The following OR9Q1 variants were observed in gnomAD, a reference collection of about 807,000 sequenced individuals.
OR9Q1 encodes olfactory receptor family 9 subfamily Q member 1, also known as olfactory receptor 9Q1.
For missense variants in OR9Q1, 374 were observed against 378.8 expected, an observed-to-expected ratio of 0.99 and a Z score of 0.11; for synonymous variants, 153 against 148.6, an observed-to-expected ratio of 1.03 and a Z score of -0.22.
chr11:58,030,784 A>C, intron 1 of OR9Q1: 1 of 599,924 alleles, frequency 1.7e-6, no homozygotes, highest in Non-Finnish European at 3.0e-6. Context: ...TTGTTTTCTC[A>C]TGTCCCTCAT....
chr11:58,036,063 C>T (rs970744703), intron 1 of OR9Q1, among the ~76,000 whole-genome samples: 10 of 151,284 alleles, frequency 6.6e-5, no homozygotes, highest in East Asian at 3.9e-4. Flanking sequence ...TAGTAATTCT[C>T]GCAACATTTT....
chr11:58,065,160 A>G (rs1388763758), intron 2 of OR9Q1, among the ~76,000 whole-genome samples: 4 of 152,174 alleles, frequency 2.6e-5, no homozygotes, highest in Admixed American at 2.0e-4. Flanking sequence ...AGACACATGG[A>G]CTGGGATAGG....
At chr11:58,031,692 C>T (rs1424491754) in intron 1 of OR9Q1, 5 of 1,613,868 alleles carry the variant, frequency 3.1e-6, no homozygotes, top group Non-Finnish European at 4.2e-6. Flanking sequence ...ACCTGTGCAG[C>T]TCACCTGACT....
chr11:58,137,021 A>G (rs1854195749), intron 2 of OR9Q1, among the ~76,000 whole-genome samples: 1 of 152,124 alleles, frequency 6.6e-6, no homozygotes, highest in Non-Finnish European at 1.5e-5. Flanking sequence ...TCTTTCCAGA[A>G]CCCATTTGGC....
intron 2 of OR9Q1, among the ~76,000 whole-genome samples, chr11:58,090,246 C>A (rs550219667): frequency 6.6e-6 from 1 of 152,124 alleles, no homozygotes; most frequent in Non-Finnish European, 1.5e-5. Context: ...GGAATGCTTC[C>A]GGCTTTTGCC....
intron 2 of OR9Q1, among the ~76,000 whole-genome samples, chr11:58,177,976 T>C (rs1354127483): frequency 6.6e-6 from 1 of 152,164 alleles, no homozygotes; most frequent in East Asian, 1.9e-4. Flanking sequence ...AGAGGTGTTC[T>C]AGGCAGAAGG....
At chr11:58,123,792 G>A (rs532138967) in intron 2 of OR9Q1, among the ~76,000 whole-genome samples, 14 of 152,136 alleles carry the variant, frequency 9.2e-5, no homozygotes, top group Admixed American at 2.6e-4. Flanking sequence ...AAATCAAAGC[G>A]CCTCTCTAAA....
intron 2 of OR9Q1, among the ~76,000 whole-genome samples, chr11:58,122,687 A>G (rs572128030): frequency 6.6e-5 from 10 of 152,240 alleles, no homozygotes; most frequent in Non-Finnish European, 1.2e-4. Flanking sequence ...GGTCAGGGCA[A>G]GGCTCTTCTT....
At chr11:58,071,905 T>C (rs916889941) in intron 2 of OR9Q1, among the ~76,000 whole-genome samples, 5 of 152,110 alleles carry the variant, frequency 3.3e-5, no homozygotes, top group Non-Finnish European at 7.3e-5. Context: ...AATATTAATT[T>C]TTTGAGGGTG....
chr11:58,137,859 T>A (rs1854203595), intron 2 of OR9Q1, among the ~76,000 whole-genome samples: 1 of 152,242 alleles, frequency 6.6e-6, no homozygotes, highest in Non-Finnish European at 1.5e-5. Flanking sequence ...GTATTTATCA[T>A]ACAGTGAATA....
intron 1 of OR9Q1, among the ~76,000 whole-genome samples, chr11:58,039,096 T>A (rs966489882): frequency 2.0e-5 from 3 of 152,148 alleles, no homozygotes; most frequent in Non-Finnish European, 4.4e-5. Flanking sequence ...TTCAAGTGAT[T>A]CTCCTGCCTC....
At chr11:58,069,823 T>C (rs1387838925) in intron 2 of OR9Q1, among the ~76,000 whole-genome samples, 6 of 151,666 alleles carry the variant, frequency 4.0e-5, no homozygotes, top group Non-Finnish European at 8.8e-5. Flanking sequence ...TGAGTCAAGA[T>C]GGCTCCACTG....
chr11:58,065,473 C>T (rs1385316595), intron 2 of OR9Q1, among the ~76,000 whole-genome samples: 1 of 152,204 alleles, frequency 6.6e-6, no homozygotes, highest in Non-Finnish European at 1.5e-5. Context: ...TAGCTAAATA[C>T]TTCCTGGGCA....
At position 58,180,181 on chromosome 11, in the gene OR9Q1, C is replaced by A. The variant is rs1360553631; in HGVS notation, c.737C>A (p.Ala246Asp). The A allele has an allele frequency of 1.2e-6, 2 of 1,613,934 alleles. No homozygotes were observed. The highest frequency in any genetic ancestry group is 1.7e-6 in the Non-Finnish European group (2 of 1,179,902). ...TCCACCTGCACCTCCCACCTCACTGCTGTGTCACTCTTCTTTGGTACCCTC... is the reference window on the plus strand; with the variant it reads ...TCCACCTGCACCTCCCACCTCACTGATGTGTCACTCTTCTTTGGTACCCTC... ...TFSTCTSHLT[A>D]VSLFFGTLIF... The change falls in exon 3 of 3, where the codon GCT becomes GAT. Residue 246 changes from alanine (A) to aspartate (D), a missense_variant. Transcript: ENST00000335397.
At chr11:58,031,055 A>G in intron 1 of OR9Q1, 1 of 1,614,050 alleles carries the variant, frequency 6.2e-7, no homozygotes, top group South Asian at 1.1e-5. Flanking sequence ...ACTCTTCCTC[A>G]CCATGTACCT....
At position 58,056,782 on chromosome 11, in the gene OR9Q1, G is replaced by A. The variant is rs12272809; in HGVS notation, c.-15+835G>A. 9.0e-3 allele frequency among the ~76,000 whole-genome samples: 1,373 copies of A among 152,114 alleles called. 27 individuals are homozygous for A. The highest frequency in any genetic ancestry group is 0.032 in the African/African-American group (1,322 of 41,482). ...TCTTATGCTTCACACTAATATATTA[G>A]GCAGAGAAAATAGAGCATCTCTGGT... is the stretch of plus-strand genomic sequence containing the variant. On this transcript the variant is annotated intron_variant, in intron 2 of 2. Transcript: ENST00000335397.
At chr11:58,033,496 T>G (rs536015155) in intron 1 of OR9Q1, among the ~76,000 whole-genome samples, 4 of 152,318 alleles carry the variant, frequency 2.6e-5, no homozygotes, top group South Asian at 4.1e-4. Context: ...AGCAAATTAA[T>G]GCAGAAACTG....
At chr11:58,179,354 T>G (rs1854637011) in intron 2 of OR9Q1, 77 bp from the exon 3 acceptor site, 1 of 932,460 alleles carries the variant, frequency 1.1e-6, no homozygotes, top group Non-Finnish European at 1.6e-6. Flanking sequence ...CAGTACATTT[T>G]CAATAAATGT....
At chr11:58,109,101 G>A (rs773228866) in intron 2 of OR9Q1, 9 of 493,472 alleles carry the variant, frequency 1.8e-5, no homozygotes, top group Non-Finnish European at 2.5e-5. Context: ...TGCTGCAGGC[G>A]AGCTTCAGCA....
Sources: allele counts gnomAD v4.1 joint callset (sites outside exome capture counted in the v4.1 genomes callset), GRCh38; gene constraint gnomAD v4.1.1; transcripts MANE v1.5; gene names NCBI Gene and HGNC (gene_info 2026-07-23, HGNC 2026-07-21).